The following CFAP52 variants were observed in gnomAD, a reference collection of about 807,000 sequenced individuals.
The protein encoded by CFAP52 is cilia and flagella associated protein 52, also known as cilia- and flagella-associated protein 52.
A neutral mutation model predicts 70.5 loss-of-function variants in CFAP52; 57 were observed. The ratio of observed to expected loss-of-function variants is 0.81; its 90% CI spans 0.65 to 1.01. The LOEUF (loss-of-function observed/expected upper bound fraction) is 1.01, where lower values mean the gene tolerates loss of function less well. Ranked by LOEUF, CFAP52 falls within the 50% of genes least tolerant of loss-of-function variation. The pLI, the probability that CFAP52 is intolerant of heterozygous loss-of-function variation, is 0.00. For synonymous variants in CFAP52, 267 were observed against 292.5 expected (o/e 0.91, Z 0.89); for missense variants, 785 against 788.5 (o/e 1.00, Z 0.05).
downstream of CFAP52, chr17:9,645,235 CCATT>C (rs758454808): frequency 1.0e-3 from 160 of 155,336 alleles, no homozygotes; most frequent in Non-Finnish European, 1.7e-3. The surrounding 1 kb of genome is among the most constrained non-coding windows in gnomAD (Gnocchi z 6.8). Context: ...CAGGCCTTTA[CCATT>C]TACTAGGCGC....
At chr17:9,634,846 A>C (rs906302771) in intron 10 of CFAP52, among the ~76,000 whole-genome samples, 4 of 152,158 alleles carry the variant, frequency 2.6e-5, no homozygotes, top group Admixed American at 6.6e-5. Flanking sequence ...AATGATTTTA[A>C]ATTTTGTGTG....
chr17:9,631,671 G>A (rs551254514), intron 9 of CFAP52, among the ~76,000 whole-genome samples: 14 of 152,234 alleles, frequency 9.2e-5, no homozygotes, highest in African/African-American at 2.2e-4. Context: ...AAGAGATGGC[G>A]GGGGTTGGGG....
chr17:9,590,136 G>T, intron 3 of CFAP52: 1 of 201,788 alleles, frequency 5.0e-6, no homozygotes, highest in East Asian at 1.2e-4. Context: ...TGTGATACGT[G>T]TGGTGATCAA....
In CFAP52 at chr17:9,612,312, G is replaced by A; in HGVS notation, c.858G>A (p.Lys286=). The A allele has an allele frequency of 1.2e-6, 2 of 1,613,888 alleles. No homozygotes were observed. Among genetic ancestry groups the A allele is most frequent in the Non-Finnish European group, 1.7e-6 (2 of 1,179,882 alleles). ...CKSPGYKPIK[K]IQLQGGITSI... ...ACTTTTGTGCTTCTCCCTAAAGGAA[G>A]ATTCAGTTACAAGGCGGCATCACTT... The change falls in exon 8 of 14, where the codon AAG becomes AAA. Residue 286 remains lysine (K), a synonymous_variant. Transcript: ENST00000352665.
chr17:9,640,886 G>C (rs1342116260), intron 12 of CFAP52, among the ~76,000 whole-genome samples: 1 of 152,052 alleles, frequency 6.6e-6, no homozygotes, highest in East Asian at 1.9e-4. Flanking sequence ...TCAAGCAACG[G>C]GCCCAACTCG....
chr17:9,587,928 G>T (rs2151929147), intron 3 of CFAP52, among the ~76,000 whole-genome samples: 1 of 152,276 alleles, frequency 6.6e-6, no homozygotes, highest in South Asian at 2.1e-4. Context: ...GGTTTTCAAA[G>T]TTGGCTGCAT....
chr17:9,615,751 G>A (rs1909876921), intron 8 of CFAP52, among the ~76,000 whole-genome samples: 1 of 148,400 alleles, frequency 6.7e-6, no homozygotes. Flanking sequence ...CTGGGATGCA[G>A]GCATGTACCA....
intron 11 of CFAP52, among the ~76,000 whole-genome samples, chr17:9,636,752 A>G (rs189771722): frequency 4.4e-4 from 67 of 152,274 alleles, no homozygotes; most frequent in African/African-American, 1.6e-3. Context: ...ATACATTAAA[A>G]AACACAAAGC....
chr17:9,596,149 G>C (rs937366231), intron 4 of CFAP52, among the ~76,000 whole-genome samples: 11 of 146,718 alleles, frequency 7.5e-5, no homozygotes, highest in Admixed American at 4.9e-4. Flanking sequence ...GCCCAGGCTG[G>C]AGTGCAATGG....
intron 9 of CFAP52, among the ~76,000 whole-genome samples, chr17:9,631,185 C>A (rs1378434333): frequency 1.3e-5 from 2 of 151,958 alleles, no homozygotes; most frequent in Non-Finnish European, 2.9e-5. Context: ...ATCCCCCCAT[C>A]ACCTACAAGG....
chr17:9,636,105 C>A (rs1379361270), intron 11 of CFAP52, among the ~76,000 whole-genome samples: 1 of 151,298 alleles, frequency 6.6e-6, no homozygotes, highest in Non-Finnish European at 1.5e-5. Flanking sequence ...ACCCAGGATG[C>A]GGAGGTTGCA....
At chr17:9,580,136 AG>A (rs1375407476) in intron 1 of CFAP52, among the ~76,000 whole-genome samples, 1 of 152,218 alleles carries the variant, frequency 6.6e-6, no homozygotes, top group Non-Finnish European at 1.5e-5. Flanking sequence ...TACAAACTAT[AG>A]CCCATGGGCC....
intron 1 of CFAP52, among the ~76,000 whole-genome samples, chr17:9,580,172 G>A (rs984112849): frequency 4.6e-5 from 7 of 152,222 alleles, no homozygotes; most frequent in African/African-American, 1.7e-4. Context: ...GCCTGTTTTT[G>A]TAAATAAAGT....
chr17:9,631,012 AAGAAAGAAAGAAAGAAAGAGAG>A (rs1261802817), intron 9 of CFAP52, among the ~76,000 whole-genome samples: 10 of 53,312 alleles, frequency 1.9e-4, no homozygotes, highest in African/African-American at 1.1e-3. Flanking sequence ...GAAAGAAAGA[AAGAAAGAAAGAAAGAAAGAGAG>A]AGAGAGAGAG....
chr17:9,598,620 G>A lies in CFAP52; in HGVS notation c.636+287G>A, dbSNP rs1022567839. The A allele has an allele frequency of 1.5e-5, 3 of 206,132 alleles. No individual in the cohort carries two copies. In the Admixed American group the frequency reaches 1.7e-4, roughly 12 times the overall value. The allele number at this position is 206,132 out of a possible 1,614,324, so 12.8% of individuals were successfully genotyped here. ...CTACTAAAAATACACAAGTAGCCAGGTGTGGTGGTAGGTGCCTGTAATCCC... is the reference window on the plus strand; with the variant it reads ...CTACTAAAAATACACAAGTAGCCAGATGTGGTGGTAGGTGCCTGTAATCCC... On this transcript the variant is annotated intron_variant, in intron 5 of 13. Coordinates refer to ENST00000352665, the MANE Select transcript of CFAP52 (RefSeq NM_145054.5).
At position 9,641,723 on chromosome 17, in the gene CFAP52, G is replaced by T; in HGVS notation, c.1576-1G>T. Reference sequence around the variant, plus strand: ...CTTAATGCTTCTTTCCTGAATTCCAGATTGCTTACTGGGAAGTATTTGATG... The same window carrying T: ...CTTAATGCTTCTTTCCTGAATTCCATATTGCTTACTGGGAAGTATTTGATG... On this transcript the variant is annotated splice_acceptor_variant, in intron 12 of 13. Transcript: ENST00000352665. LOFTEE classifies it high-confidence loss of function. The T allele has an allele frequency of 3.1e-6, 5 of 1,611,374 alleles. No individual in the cohort carries two copies. The highest frequency in any genetic ancestry group is 4.2e-6 in the Non-Finnish European group (5 of 1,177,728).
chr17:9,635,260 T>G (rs1365922289), intron 10 of CFAP52, 145 bp from the exon 11 acceptor site: 1 of 1,123,186 alleles, frequency 8.9e-7, no homozygotes, highest in Non-Finnish European at 1.2e-6. Context: ...AACTTAGCAT[T>G]CACACCCCAC....
intron 9 of CFAP52, 37 bp from the exon 10 acceptor site, chr17:9,632,851 C>T: frequency 2.5e-6 from 4 of 1,608,596 alleles, no homozygotes; most frequent in South Asian, 1.1e-5. Context: ...GGTGCATATA[C>T]TGATCCTGCC....
In CFAP52 at chr17:9,638,672, T is replaced by C; in HGVS notation, c.1536T>C (p.Pro512=). The part of the protein sequence containing the change: ...NTLFQCVCYH[P]EEFQIITSGT... ...TATTCCAGTGTGTGTGCTATCACCC[T>C]GAGGAGTTCCAGATCATCACCAGCG... The change falls in exon 12 of 14, where the codon CCT becomes CCC. Residue 512 remains proline (P), a synonymous_variant. Coordinates refer to ENST00000352665, the MANE Select transcript of CFAP52 (RefSeq NM_145054.5). 6.2e-7 allele frequency: 1 copy of C among 1,614,178 alleles called. No homozygotes were observed. The highest frequency in any genetic ancestry group is 1.3e-5 in the African/African-American group (1 of 75,038).
Sources: allele counts gnomAD v4.1 joint callset (sites outside exome capture counted in the v4.1 genomes callset), GRCh38; gene constraint gnomAD v4.1.1; non-coding constraint Gnocchi (gnomAD v3.1); transcripts MANE v1.5; gene names NCBI Gene and HGNC (gene_info 2026-07-23, HGNC 2026-07-21).